The following PTDSS1 variants were observed in gnomAD, a reference collection of about 807,000 sequenced individuals.
PTDSS1 encodes phosphatidylserine synthase 1.
A neutral mutation model predicts 70.5 loss-of-function variants in PTDSS1; 45 were observed. The observed-to-expected ratio is 0.64, with a 90% CI of 0.50 to 0.82. The LOEUF (loss-of-function observed/expected upper bound fraction) is 0.82, where lower values mean the gene tolerates loss of function less well. Among genes scored for constraint, PTDSS1 ranks in the 40% least tolerant of loss-of-function variants. The probability of loss-of-function intolerance (pLI) is 0.00; values close to 1 mark genes in which losing one functional copy is unlikely to be tolerated. For synonymous variants in PTDSS1, 188 were observed against 203.8 expected, an observed-to-expected ratio of 0.92 and a Z score of 0.66; for missense variants, 417 against 586.1, an observed-to-expected ratio of 0.71 and a Z score of 2.98.
At chr8:96,299,876 C>T in intron 6 of PTDSS1, 31 bp downstream of exon 6, 1 of 1,587,678 alleles carries the variant, frequency 6.3e-7, no homozygotes, top group Admixed American at 1.9e-5. Flanking sequence ...ATATTAGTCA[C>T]AGTTTTTCAT....
chr8:96,300,735 A>G (rs1186125104), intron 6 of PTDSS1, among the ~76,000 whole-genome samples: 1 of 152,206 alleles, frequency 6.6e-6, no homozygotes, highest in African/African-American at 2.4e-5. Flanking sequence ...GCTTCTTTGT[A>G]CTTCAACATA....
intron 10 of PTDSS1, among the ~76,000 whole-genome samples, chr8:96,324,311 T>C (rs949569119): frequency 6.6e-6 from 1 of 152,204 alleles, no homozygotes; most frequent in African/African-American, 2.4e-5. Context: ...TCTAGCCTGC[T>C]CCTCCAAATT....
At chr8:96,265,712 G>A (rs993337585) in intron 1 of PTDSS1, among the ~76,000 whole-genome samples, 3 of 152,168 alleles carry the variant, frequency 2.0e-5, no homozygotes, top group South Asian at 2.1e-4. Context: ...GCTGAATCAC[G>A]CCACCATACT....
intron 5 of PTDSS1, among the ~76,000 whole-genome samples, 164 bp from the exon 6 acceptor site, chr8:96,299,530 A>C (rs1389571535): frequency 1.3e-5 from 2 of 152,240 alleles, no homozygotes; most frequent in Non-Finnish European, 2.9e-5. Flanking sequence ...AACAAGAAAC[A>C]GATTGCAGAA....
At chr8:96,302,141 C>T (rs1381835609) in intron 6 of PTDSS1, among the ~76,000 whole-genome samples, 1 of 152,116 alleles carries the variant, frequency 6.6e-6, no homozygotes, top group Admixed American at 6.5e-5. Flanking sequence ...GCATCAGCCT[C>T]CCCAGTGCCT....
intron 10 of PTDSS1, among the ~76,000 whole-genome samples, chr8:96,327,857 C>T (rs573327196): frequency 2.0e-5 from 3 of 152,252 alleles, no homozygotes; most frequent in East Asian, 3.9e-4. Flanking sequence ...TTTCTTTAAA[C>T]GAAGTGTGCA....
intron 9 of PTDSS1, among the ~76,000 whole-genome samples, chr8:96,318,508 C>T (rs1811327633): frequency 6.6e-6 from 1 of 152,136 alleles, no homozygotes. Context: ...TATGTCTCCT[C>T]ACTGCACAGG....
chr8:96,265,103 G>A (rs1200294328), intron 1 of PTDSS1, among the ~76,000 whole-genome samples: 5 of 152,146 alleles, frequency 3.3e-5, no homozygotes, highest in Non-Finnish European at 7.4e-5. Flanking sequence ...AAATGAAAAT[G>A]TATCCTATGT....
intron 3 of PTDSS1, among the ~76,000 whole-genome samples, chr8:96,285,696 T>G (rs1299461516): frequency 1.2e-4 from 19 of 152,100 alleles, no homozygotes; most frequent in Admixed American, 1.2e-3. Context: ...GATAGACCCA[T>G]TCCCTATGTG....
chr8:96,276,884 T>C (rs2130019827), intron 2 of PTDSS1, among the ~76,000 whole-genome samples: 1 of 152,188 alleles, frequency 6.6e-6, no homozygotes, highest in African/African-American at 2.4e-5. Flanking sequence ...AACTGACACA[T>C]TGATCTGAGC....
chr8:96,273,520 C>A, intron 2 of PTDSS1, 130 bp downstream of exon 2: 1 of 682,004 alleles, frequency 1.5e-6, no homozygotes, highest in Non-Finnish European at 2.4e-6. Context: ...GGCACAGGCT[C>A]TGGAGGCAGA....
At chr8:96,310,170 T>TC (rs1491477613) in intron 9 of PTDSS1, among the ~76,000 whole-genome samples, 5 of 55,886 alleles carry the variant, frequency 8.9e-5, no homozygotes, top group Non-Finnish European at 1.5e-4. Context: ...GATCTCTCTC[T>TC]TTTTTTTTTT....
chr8:96,320,959 C>A (rs767293533), intron 10 of PTDSS1, among the ~76,000 whole-genome samples: 3 of 152,246 alleles, frequency 2.0e-5, no homozygotes, highest in Non-Finnish European at 1.5e-5. Context: ...TACCCACTTA[C>A]ACATTTTGTA....
At chr8:96,331,136 C>A (rs1306048276) in intron 12 of PTDSS1, 41 bp downstream of exon 12, 1 of 1,531,694 alleles carries the variant, frequency 6.5e-7, no homozygotes, top group Admixed American at 1.7e-5. Flanking sequence ...TTACTGGGTC[C>A]TTGAGATGTG....
At chr8:96,316,269 C>T (rs1460048497) in intron 9 of PTDSS1, among the ~76,000 whole-genome samples, 51 of 152,132 alleles carry the variant, frequency 3.4e-4, no homozygotes, top group Admixed American at 3.1e-3. Flanking sequence ...AGAAGGTTCT[C>T]GAATGTTCAT....
At chr8:96,278,114 C>T (rs1295903767) in intron 2 of PTDSS1, among the ~76,000 whole-genome samples, 5 of 152,176 alleles carry the variant, frequency 3.3e-5, no homozygotes, top group South Asian at 4.1e-4. Flanking sequence ...AGGCAATGGC[C>T]AGCAGATGAA....
At chr8:96,290,896 A>ATTATAAACATTTATAAAATATTATAAATC (rs1187313516) in intron 4 of PTDSS1, among the ~76,000 whole-genome samples, 2 of 148,016 alleles carry the variant, frequency 1.4e-5, no homozygotes, top group Non-Finnish European at 1.5e-5. Flanking sequence ...TATTATAAAT[A>ATTATAAACATTTATAAAATATTATAAATC]TTATAAACAT....
Position 96,262,314 on chromosome 8 carries a change from T to A in PTDSS1, c.179+95T>A. ...GAGGGGGGCCCGGCATGGCTCTGGG[T>A]GAGGAAGTGGGCTGGCTGCTCCACG... On this transcript the variant is annotated intron_variant, in intron 1 of 12. Transcript: ENST00000517309. This position sits in a 1 kb window ranked among gnomAD's most constrained non-coding sequence, Gnocchi z 4.4. 7.0e-7 allele frequency: 1 copy of A among 1,423,254 alleles called. No homozygotes were observed. The allele number at this position is 1,423,254 out of a possible 1,614,324, so 88.2% of individuals were successfully genotyped here.
At chr8:96,330,398 T>A (rs1811498455) in intron 11 of PTDSS1, 117 bp downstream of exon 11, 1 of 970,050 alleles carries the variant, frequency 1.0e-6, no homozygotes, top group East Asian at 2.6e-5. Context: ...GGTTGGGGCC[T>A]CCAGTCCTGC....
Sources: allele counts gnomAD v4.1 joint callset (sites outside exome capture counted in the v4.1 genomes callset), GRCh38; gene constraint gnomAD v4.1.1; non-coding constraint Gnocchi (gnomAD v3.1); transcripts MANE v1.5; gene names NCBI Gene and HGNC (gene_info 2026-07-23, HGNC 2026-07-21).